The following MFSD1 variants were observed in gnomAD, a reference collection of about 807,000 sequenced individuals.
The protein encoded by MFSD1 is lysosomal dipeptide transporter MFSD1.
In MFSD1, 59 loss-of-function variants were observed where a neutral mutation model predicts 67.1. That is an observed-to-expected ratio of 0.88 (90% confidence interval 0.71 to 1.09). The LOEUF (loss-of-function observed/expected upper bound fraction) is 1.09, where lower values mean the gene tolerates loss of function less well. Ranked by LOEUF, MFSD1 falls within the 50% of genes least tolerant of loss-of-function variation. The pLI is 0.00. For missense variants in MFSD1, 552 were observed against 566.1 expected (o/e 0.97, Z 0.25); for synonymous variants, 213 against 200.3 (o/e 1.06, Z -0.54).
At chr3:158,825,981 A>G (rs1427721940) in intron 13 of MFSD1, 34 bp from the exon 14 acceptor site, 6 of 1,565,148 alleles carry the variant, frequency 3.8e-6, no homozygotes, top group East Asian at 2.2e-5. Context: ...GAAGAAATAC[A>G]TATTTTAAGG....
At chr3:158,824,427 T>C (rs1730849404) in intron 13 of MFSD1, 191 bp downstream of exon 13, 1 of 560,142 alleles carries the variant, frequency 1.8e-6, no homozygotes, top group South Asian at 2.3e-5. Flanking sequence ...AGGCAGTGAT[T>C]GAGTTGGTTT....
intron 13 of MFSD1, 170 bp downstream of exon 13, chr3:158,824,406 C>A: frequency 1.7e-6 from 1 of 595,252 alleles, no homozygotes. Context: ...TTAGGAGATT[C>A]CTATCCTTAA....
chr3:158,812,334 C>A (rs1730065687), intron 6 of MFSD1, among the ~76,000 whole-genome samples: 2 of 152,162 alleles, frequency 1.3e-5, no homozygotes, highest in Admixed American at 1.3e-4. Context: ...TAGCTCTTGG[C>A]CATTTTGATC....
intron 14 of MFSD1, among the ~76,000 whole-genome samples, chr3:158,827,043 C>T (rs966463173): frequency 6.6e-6 from 1 of 151,998 alleles, no homozygotes; most frequent in African/African-American, 2.4e-5. Flanking sequence ...ATACATAAGT[C>T]CAAACTTAAA....
In MFSD1 at chr3:158,814,043, A is replaced by G; in HGVS notation, c.628A>G (p.Thr210Ala). The change falls in exon 7 of 16, where the codon ACC (threonine) becomes GCC (alanine). Residue 210 changes from threonine (T) to alanine (A), a missense_variant. Physicochemically the swap from Thr to Ala is moderately conservative, Grantham distance 58. Coordinates refer to ENST00000415822, the MANE Select transcript of MFSD1 (RefSeq NM_022736.4). ...TTTGTTAGGTTCTGCTGGTCACACA[A>G]CCCTCGGGATCACACTTATGATTGG... ...EALLGSAGHT[T>A]LGITLMIGGI... The G allele has an allele frequency of 6.2e-7, 1 of 1,613,648 alleles. No individual in the cohort carries two copies. The highest frequency in any genetic ancestry group is 8.5e-7 in the Non-Finnish European group (1 of 1,179,766).
At chr3:158,804,979 G>A (rs1157992996) in intron 2 of MFSD1, among the ~76,000 whole-genome samples, 1 of 152,162 alleles carries the variant, frequency 6.6e-6, no homozygotes, top group Non-Finnish European at 1.5e-5. Flanking sequence ...GATGGAGAGG[G>A]TAGGGTAGGT....
rs1451387929 is a variant in MFSD1, at chr3:158,828,960, A to G, written c.1395-19A>G. 1 of 1,598,708 alleles carries G rather than the reference A, an allele frequency of 6.3e-7. No individual in the cohort carries two copies. Among genetic ancestry groups the G allele is most frequent in the Non-Finnish European group, 8.5e-7 (1 of 1,172,888 alleles). On this transcript the variant is annotated intron_variant, in intron 15 of 15. Coordinates refer to ENST00000415822, the MANE Select transcript of MFSD1 (RefSeq NM_022736.4). ...TTTTTTTCTTCCTCTTTGGTAATTT[A>G]TTGCGTTATGTTTTGCAGATGAGAA...
At chr3:158,802,561 C>G (rs1473530255) in intron 1 of MFSD1, 5 of 699,608 alleles carry the variant, frequency 7.1e-6, no homozygotes, top group Non-Finnish European at 1.3e-5. Flanking sequence ...CACTCCTTTG[C>G]TCTTCAGTAA....
intron 2 of MFSD1, 140 bp from the exon 3 acceptor site, chr3:158,805,222 C>G: frequency 1.4e-6 from 1 of 701,628 alleles, no homozygotes; most frequent in Non-Finnish European, 2.5e-6. Flanking sequence ...GTTAGTGAGA[C>G]TTATAAATGG....
intron 7 of MFSD1, among the ~76,000 whole-genome samples, chr3:158,817,497 C>T (rs1032826066): frequency 3.9e-5 from 6 of 152,152 alleles, no homozygotes; most frequent in Non-Finnish European, 7.3e-5. Flanking sequence ...CTCCCATTCA[C>T]AATTGCTTCA....
At chr3:158,827,915 G>GA (rs1731075080) in intron 15 of MFSD1, among the ~76,000 whole-genome samples, 1 of 82,406 alleles carries the variant, frequency 1.2e-5, no homozygotes, top group Non-Finnish European at 2.2e-5. Flanking sequence ...AGAGAGAGGG[G>GA]GAGAGAGAGA....
intron 7 of MFSD1, among the ~76,000 whole-genome samples, chr3:158,817,670 C>G (rs1730442683): frequency 1.3e-5 from 2 of 152,164 alleles, no homozygotes; most frequent in African/African-American, 2.4e-5. Flanking sequence ...AATGGCCATA[C>G]TGCCCAAGGT....
intron 14 of MFSD1, among the ~76,000 whole-genome samples, chr3:158,826,640 CT>C (rs1004010973): frequency 5.4e-4 from 79 of 145,002 alleles, no homozygotes; most frequent in African/African-American, 1.5e-3. Context: ...AGGTCATTTC[CT>C]TTTTTTTTTA....
intron 14 of MFSD1, 80 bp downstream of exon 14, chr3:158,826,142 C>A: frequency 9.0e-7 from 1 of 1,110,120 alleles, no homozygotes; most frequent in Non-Finnish European, 1.4e-6. Context: ...TCTTTGGGGG[C>A]CAGTGCTTTA....
At position 158,807,408 on chromosome 3, in the gene MFSD1, C is replaced by G. The variant is rs1470119825; in HGVS notation, c.385C>G (p.Leu129Val). 3 of 1,612,484 alleles carry G rather than the reference C, an allele frequency of 1.9e-6. No homozygotes were observed. Among genetic ancestry groups the G allele is most frequent in the South Asian group, 1.1e-5 (1 of 90,950 alleles). Residue 129 changes from leucine (L) to valine (V), a missense_variant, in exon 5 of 16, where the codon CTG (leucine) becomes GTG (valine). Leu to Val is a conservative substitution (Grantham distance 32, BLOSUM62 1). Transcript: ENST00000415822. ...TTCTACATTATAGGTTGTTTTTGCC[C>G]TGGGTGGAATATTTAATGCTTTTTG... ...FVCIGQVVFA[L>V]GGIFNAFWLM...
chr3:158,827,333 A>G lies in MFSD1; in HGVS notation c.1390A>G (p.Thr464Ala). The change falls in exon 15 of 16, where the codon ACT becomes GCT. Residue 464 changes from threonine (T) to alanine (A), a missense_variant. Physicochemically the swap from Thr to Ala is moderately conservative, Grantham distance 58 (BLOSUM62 0). Transcript: ENST00000415822. The stretch of plus-strand genomic sequence containing the variant: ...AAGGGAAGAAATAAAATTTTCCCAT[A>G]CTGAGTAAGTATTAAAAGGGTAAAA... ...RQREEIKFSHTE is the reference protein window; with the variant it reads ...RQREEIKFSHAE 2 of 1,533,354 alleles carry G rather than the reference A, an allele frequency of 1.3e-6. No homozygotes were observed. The highest frequency in any genetic ancestry group is 1.8e-6 in the Non-Finnish European group (2 of 1,138,338). The allele number at this position is 1,533,354 out of a possible 1,614,324, so 95.0% of individuals were successfully genotyped here.
chr3:158,805,890 G>A (rs959137558), intron 3 of MFSD1, among the ~76,000 whole-genome samples: 3 of 152,176 alleles, frequency 2.0e-5, no homozygotes, highest in African/African-American at 7.2e-5. Flanking sequence ...AGAGATGGAT[G>A]TACAGTATTT....
Position 158,804,379 on chromosome 3 carries a change from G to C in MFSD1, c.216+8G>C. 1 of 1,607,968 alleles carries C rather than the reference G, an allele frequency of 6.2e-7. No homozygotes were observed. Among genetic ancestry groups the C allele is most frequent in the South Asian group, 1.1e-5 (1 of 90,448 alleles). On this transcript the variant is annotated splice_region_variant and intron_variant, in intron 2 of 15. Coordinates refer to ENST00000415822, the MANE Select transcript of MFSD1 (RefSeq NM_022736.4). ...CAGACTCAAGTTAAACGAGTAAGTTGATTTTTCACTCTTGTTTCTTTTGTT... is the reference window on the plus strand; with the variant it reads ...CAGACTCAAGTTAAACGAGTAAGTTCATTTTTCACTCTTGTTTCTTTTGTT...
intron 6 of MFSD1, among the ~76,000 whole-genome samples, chr3:158,810,397 C>A (rs1389434820): frequency 6.6e-6 from 1 of 152,114 alleles, no homozygotes; most frequent in Non-Finnish European, 1.5e-5. Context: ...GAAGCTTTGA[C>A]TTTTAATAAG....
Sources: allele counts gnomAD v4.1 joint callset (sites outside exome capture counted in the v4.1 genomes callset), GRCh38; gene constraint gnomAD v4.1.1; transcripts MANE v1.5; gene names NCBI Gene and HGNC (gene_info 2026-07-23, HGNC 2026-07-21).